Variants in MPP7 observed in about 807,000 individuals in gnomAD.
MPP7 encodes MAGUK p55 scaffold protein 7.
MPP7 carries 60 observed loss-of-function variants against 76.5 expected under a neutral mutation model. That is an observed-to-expected ratio of 0.78 (90% confidence interval 0.64 to 0.97). The LOEUF is 0.97. Ranked by LOEUF, MPP7 falls within the 50% of genes least tolerant of loss-of-function variation. MPP7 has a pLI of 0.00. For missense variants in MPP7, 641 were observed against 694.0 expected, an observed-to-expected ratio of 0.92 and a Z score of 0.86; for synonymous variants, 237 against 244.5, an observed-to-expected ratio of 0.97 and a Z score of 0.29.
At chr10:28,332,986 C>A (rs1834484842) in intron 1 of MPP7, among the ~76,000 whole-genome samples, 1 of 151,956 alleles carries the variant, frequency 6.6e-6, no homozygotes, top group Admixed American at 6.6e-5. Context: ...ACAGAGGAAA[C>A]CATGTCAAGT....
chr10:28,124,101 C>T lies in MPP7; in HGVS notation c.545G>A (p.Gly182Asp), dbSNP rs752908091. Residue 182 changes from glycine (G) to aspartate (D), a missense_variant, in exon 8 of 17, where the codon GGT (glycine) becomes GAT (aspartate). Gly to Asp is a moderately conservative substitution (Grantham distance 94). Transcript: ENST00000683449. The part of the protein sequence containing the change: ...AADRSGLIHV[G>D]DELREVNGIP... ...CCCGTTGACTTCCCTAAGTTCATCA[C>T]CAACATGAATAAGACCTGAGAAATA... 14 of 1,609,842 alleles carry T rather than the reference C, an allele frequency of 8.7e-6. No homozygotes were observed. The highest frequency in any genetic ancestry group is 1.3e-5 in the African/African-American group (1 of 74,860).
At chr10:28,213,963 T>C (rs933112948) in intron 2 of MPP7, among the ~76,000 whole-genome samples, 1 of 152,100 alleles carries the variant, frequency 6.6e-6, no homozygotes, top group Non-Finnish European at 1.5e-5. Context: ...CTTTATTCAC[T>C]CATTCATTAC....
At chr10:28,178,363 C>A (rs148864820) in intron 3 of MPP7, among the ~76,000 whole-genome samples, 1 of 151,904 alleles carries the variant, frequency 6.6e-6, no homozygotes, top group African/African-American at 2.4e-5. Context: ...GCTCTTTTAA[C>A]AACTCACTAT....
intron 1 of MPP7, among the ~76,000 whole-genome samples, chr10:28,283,401 T>C (rs1176001320): frequency 2.0e-5 from 3 of 152,060 alleles, no homozygotes; most frequent in Non-Finnish European, 4.4e-5. Flanking sequence ...GAATTAAGCA[T>C]GGACATCTAG....
At chr10:28,212,704 C>A (rs11006921) in intron 2 of MPP7, among the ~76,000 whole-genome samples, 27,987 of 152,028 alleles carry the variant, frequency 0.18, 2,961 homozygotes, top group African/African-American at 0.29. Flanking sequence ...GCAACCACTC[C>A]GAGTGCTGTA....
At position 28,120,574 on chromosome 10, in the gene MPP7, T is replaced by C. The variant is rs769924850; in HGVS notation, c.690+20A>G. 1.4e-5 allele frequency: 22 copies of C among 1,609,150 alleles called. No homozygotes were observed. Among genetic ancestry groups the C allele is most frequent in the Non-Finnish European group, 1.9e-5 (22 of 1,175,806 alleles). On this transcript the variant is annotated intron_variant, in intron 9 of 16. Coordinates refer to ENST00000683449, the MANE Select transcript of MPP7 (RefSeq NM_001318170.2). Reference sequence around the variant, plus strand: ...GACTTCCCTCCCACGCACGAAGAAATGTTTTTAAGCAATAATTACCTTGCC... The same window carrying C: ...GACTTCCCTCCCACGCACGAAGAAACGTTTTTAAGCAATAATTACCTTGCC...
intron 2 of MPP7, among the ~76,000 whole-genome samples, chr10:28,310,480 C>T (rs1412450492): frequency 6.6e-6 from 1 of 152,080 alleles, no homozygotes; most frequent in Admixed American, 6.6e-5. Flanking sequence ...GGTACCATCA[C>T]GAATCACCCA....
At chr10:28,094,314 C>T (rs2133475399) in intron 11 of MPP7, among the ~76,000 whole-genome samples, 1 of 152,160 alleles carries the variant, frequency 6.6e-6, no homozygotes, top group Admixed American at 6.5e-5. Flanking sequence ...AACAGGGGTT[C>T]CATGGGAGCA....
rs543274653 is a variant in MPP7 at position 28,285,636 on chromosome 10, T to C, written c.-132+17225A>G. On this transcript the variant is annotated intron_variant, in intron 1 of 16. Transcript: ENST00000683449. ...AAATAATGGATCTAGGCAATGGTTA[T>C]CAATGGTCATGAACACTACAAAAAG... 7.2e-5 allele frequency among the ~76,000 whole-genome samples: 11 copies of C among 152,324 alleles called. No individual in the cohort carries two copies. In the East Asian group the frequency reaches 1.9e-3, roughly 27 times the overall value.
At chr10:28,324,049 A>G (rs1390474003) in intron 2 of MPP7, among the ~76,000 whole-genome samples, 1 of 152,188 alleles carries the variant, frequency 6.6e-6, no homozygotes, top group African/African-American at 2.4e-5. Flanking sequence ...CTAAAATGAG[A>G]TAATAACAAT....
chr10:28,236,584 C>T (rs1055008514), intron 2 of MPP7: 1 of 151,182 alleles, frequency 6.6e-6, no homozygotes, highest in African/African-American at 2.4e-5. Context: ...AAAATGAGAT[C>T]GGGGGAAAGC....
intron 11 of MPP7, among the ~76,000 whole-genome samples, chr10:28,107,975 T>A (rs1026419427): frequency 6.6e-6 from 1 of 152,246 alleles, no homozygotes. Context: ...CATCATCCAA[T>A]TCTTACTTAG....
In MPP7 at chr10:28,156,228, G is replaced by A. The variant is rs61345755; in HGVS notation, c.157-6169C>T. The stretch of plus-strand genomic sequence containing the variant: ...TCATATTTAAAACAGGATAATAATC[G>A]TATCTATTAACTAGGGTTACTGTGA... On this transcript the variant is annotated intron_variant, in intron 3 of 16. Transcript: ENST00000683449. Among the ~76,000 whole-genome samples the A allele has an allele frequency of 3.5e-3, 529 of 152,136 alleles. 1 individual carries two copies. The highest frequency in any genetic ancestry group is 0.011 in the African/African-American group (457 of 41,494).
At chr10:28,124,537 A>G (rs969265544) in intron 7 of MPP7, among the ~76,000 whole-genome samples, 5 of 120,378 alleles carry the variant, frequency 4.2e-5, no homozygotes, top group Non-Finnish European at 7.9e-5. Context: ...GTGCAGTGGC[A>G]CAATCTCGGC....
intron 1 of MPP7, among the ~76,000 whole-genome samples, chr10:28,272,152 T>C (rs73608082): frequency 0.023 from 3,491 of 152,242 alleles, 141 homozygotes; most frequent in African/African-American, 0.077. Flanking sequence ...AGTTTGACCA[T>C]GAGCACCTAA....
chr10:28,086,659 G>A (rs1030776421), intron 12 of MPP7, among the ~76,000 whole-genome samples: 1 of 152,248 alleles, frequency 6.6e-6, no homozygotes, highest in South Asian at 2.1e-4. Context: ...TTGTCCTGAC[G>A]ACCGTTTCAA....
At chr10:28,212,595 T>G (rs895417048) in intron 2 of MPP7, among the ~76,000 whole-genome samples, 2 of 151,832 alleles carry the variant, frequency 1.3e-5, no homozygotes, top group African/African-American at 4.8e-5. Flanking sequence ...TAAAATGAGA[T>G]CCCCAGGAGC....
intron 2 of MPP7, among the ~76,000 whole-genome samples, chr10:28,210,366 G>A (rs1236667015): frequency 1.3e-5 from 2 of 152,150 alleles, no homozygotes; most frequent in Non-Finnish European, 2.9e-5. Flanking sequence ...ATGTGTGTAC[G>A]TATGTGTGTG....
At chr10:28,115,371 G>A (rs1018492002) in intron 11 of MPP7, among the ~76,000 whole-genome samples, 5 of 152,140 alleles carry the variant, frequency 3.3e-5, no homozygotes, top group African/African-American at 1.2e-4. Context: ...CCAAAGTGCT[G>A]TGATTACAGG....
Sources: gnomAD v4.1 joint callset for allele counts (sites outside exome capture counted in the v4.1 genomes callset) on GRCh38, gnomAD v4.1.1 for gene constraint, MANE v1.5 for transcripts, NCBI Gene and HGNC (gene_info 2026-07-23, HGNC 2026-07-21) for gene names.